CDK6: variants seen among roughly 807,000 people sequenced by gnomAD.
CDK6 encodes cyclin-dependent kinase 6.
Under a neutral mutation model 37.1 loss-of-function variants are expected in CDK6, and 6 were observed. That is an observed-to-expected ratio of 0.16 (90% confidence interval 0.09 to 0.32). The LOEUF is 0.32. Ranked by LOEUF, CDK6 falls within the 10% of genes least tolerant of loss-of-function variation. The pLI, the probability that CDK6 is intolerant of heterozygous loss-of-function variation, is 1.00. For synonymous variants in CDK6, 160 were observed against 161.3 expected (o/e 0.99, Z 0.06); for missense variants, 224 against 418.9 (o/e 0.53, Z 4.06).
intron 3 of CDK6, among the ~76,000 whole-genome samples, chr7:92,753,422 A>G (rs955683658): frequency 1.3e-5 from 2 of 152,180 alleles, no homozygotes; most frequent in Non-Finnish European, 2.9e-5. Context: ...CAGAATCTAC[A>G]CATTATTTTG....
chr7:92,646,546 T>C (rs1796455584), intron 5 of CDK6, among the ~76,000 whole-genome samples: 1 of 151,936 alleles, frequency 6.6e-6, no homozygotes, highest in South Asian at 2.1e-4. Flanking sequence ...TACAGGTGCC[T>C]GCCATCACAT....
intron 2 of CDK6, among the ~76,000 whole-genome samples, chr7:92,811,725 G>C (rs1584111915): frequency 6.6e-6 from 1 of 152,244 alleles, no homozygotes; most frequent in East Asian, 1.9e-4. Context: ...CCAAGAGAAT[G>C]AGAGATGCAC....
chr7:92,691,190 A>G (rs949218351), intron 4 of CDK6, among the ~76,000 whole-genome samples: 4 of 152,358 alleles, frequency 2.6e-5, no homozygotes, highest in Non-Finnish European at 5.9e-5. Context: ...AGCTGAGACT[A>G]TAAAGACAAA....
chr7:92,829,939 T>G (rs753778125), intron 2 of CDK6, among the ~76,000 whole-genome samples: 1 of 152,260 alleles, frequency 6.6e-6, no homozygotes, highest in Non-Finnish European at 1.5e-5. Context: ...TTCATTGCTA[T>G]ATCCCCACCT....
chr7:92,754,490 A>C (rs555826588), intron 3 of CDK6, among the ~76,000 whole-genome samples: 1 of 152,320 alleles, frequency 6.6e-6, no homozygotes, highest in South Asian at 2.1e-4. Flanking sequence ...AGTTTTAATG[A>C]TTAGTTCAAT....
At position 92,670,096 on chromosome 7, in the gene CDK6, C is replaced by A. The variant is rs141165030; in HGVS notation, c.647+1330G>T. Among the ~76,000 whole-genome samples the A allele has an allele frequency of 1.9e-3, 283 of 152,346 alleles. 3 individuals carry two copies. The highest frequency in any genetic ancestry group is 6.6e-3 in the African/African-American group (273 of 41,574). ...AAAAGCAACACCAGAATAGAACTTG[C>A]AAGCTTCCTTTGGACTCATACCCCT... On this transcript the variant is annotated intron_variant, in intron 5 of 7. Transcript: ENST00000424848.
At chr7:92,783,458 A>G (rs1366521042) in intron 2 of CDK6, among the ~76,000 whole-genome samples, 1 of 152,228 alleles carries the variant, frequency 6.6e-6, no homozygotes, top group Non-Finnish European at 1.5e-5. Context: ...TGACAAGGGA[A>G]GGCAAAATCA....
At chr7:92,791,963 T>C (rs559467827) in intron 2 of CDK6, among the ~76,000 whole-genome samples, 1 of 152,236 alleles carries the variant, frequency 6.6e-6, no homozygotes, top group African/African-American at 2.4e-5. Flanking sequence ...CTGGAAATTA[T>C]CTTATGGGCA....
At chr7:92,648,428 T>C (rs191902761) in intron 5 of CDK6, among the ~76,000 whole-genome samples, 8 of 152,304 alleles carry the variant, frequency 5.3e-5, no homozygotes, top group African/African-American at 1.9e-4. Flanking sequence ...AGGATAAGGC[T>C]GAAGTATATA....
At chr7:92,821,716 A>G (rs990907560) in intron 2 of CDK6, among the ~76,000 whole-genome samples, 8 of 151,178 alleles carry the variant, frequency 5.3e-5, no homozygotes, top group Non-Finnish European at 1.0e-4. Context: ...ATATTGTATA[A>G]ATTATGTTAT....
At chr7:92,673,284 A>T (rs1053574477) in intron 4 of CDK6, among the ~76,000 whole-genome samples, 2 of 152,240 alleles carry the variant, frequency 1.3e-5, no homozygotes, top group Non-Finnish European at 2.9e-5. Context: ...TGATAATAAA[A>T]TGACCGTTTT....
At chr7:92,646,359 T>C (rs943376105) in intron 5 of CDK6, among the ~76,000 whole-genome samples, 2 of 152,104 alleles carry the variant, frequency 1.3e-5, no homozygotes, top group Non-Finnish European at 2.9e-5. Context: ...GTGCCCAGAA[T>C]GATTGTAAGC....
intron 6 of CDK6, 147 bp downstream of exon 6, chr7:92,622,889 C>A: frequency 1.7e-6 from 1 of 594,388 alleles, no homozygotes; most frequent in Non-Finnish European, 3.1e-6. Context: ...CATGTCTCCA[C>A]TCACCACACA....
At chr7:92,651,664 T>C (rs7795844) in intron 5 of CDK6, among the ~76,000 whole-genome samples, 6,916 of 151,988 alleles carry the variant, frequency 0.046, 557 homozygotes, top group African/African-American at 0.16. Flanking sequence ...AGAAACAGAG[T>C]GACTTCAGGG....
chr7:92,730,286 T>C (rs1206991116), intron 3 of CDK6, among the ~76,000 whole-genome samples: 1 of 152,246 alleles, frequency 6.6e-6, no homozygotes, highest in African/African-American at 2.4e-5. Context: ...ATTTTTCTCC[T>C]TATACTCTGT....
At chr7:92,707,698 GCA>G (rs770301386) in intron 4 of CDK6, among the ~76,000 whole-genome samples, 15 of 152,140 alleles carry the variant, frequency 9.9e-5, no homozygotes, top group Non-Finnish European at 1.8e-4. Flanking sequence ...GCGTGCATGC[GCA>G]CACACACACT....
At chr7:92,706,936 T>C (rs541096890) in intron 4 of CDK6, among the ~76,000 whole-genome samples, 1 of 152,198 alleles carries the variant, frequency 6.6e-6, no homozygotes, top group Non-Finnish European at 1.5e-5. Context: ...AAATAACTGA[T>C]AATGGAAAGA....
intron 5 of CDK6, among the ~76,000 whole-genome samples, chr7:92,624,646 A>C (rs187774265): frequency 3.3e-5 from 5 of 152,278 alleles, no homozygotes; most frequent in Admixed American, 3.3e-4. Context: ...AAGAATCACG[A>C]AGTTGCGCTC....
chr7:92,830,690 A>T (rs1484053233), intron 2 of CDK6, among the ~76,000 whole-genome samples: 1 of 152,218 alleles, frequency 6.6e-6, no homozygotes, highest in East Asian at 1.9e-4. Context: ...GTTTCAAGGC[A>T]GAGGCAGAAG....
Sources: allele counts gnomAD v4.1 joint callset (sites outside exome capture counted in the v4.1 genomes callset), GRCh38; gene constraint gnomAD v4.1.1; transcripts MANE v1.5; gene names NCBI Gene and HGNC (gene_info 2026-07-23, HGNC 2026-07-21).